Variants in ZNF586 observed in about 807,000 individuals in gnomAD.
The protein encoded by ZNF586 is zinc finger protein 586.
ZNF586 carries 7 observed loss-of-function variants against 6.7 expected under a neutral mutation model. That is an observed-to-expected ratio of 1.04 (90% CI 0.59 to 1.95). The LOEUF (loss-of-function observed/expected upper bound fraction) is 1.95, where lower values mean the gene tolerates loss of function less well. ZNF586 is among the 30% of genes most tolerant of loss of function. The pLI is 0.00. For missense variants in ZNF586, 442 were observed against 489.6 expected (o/e 0.90, Z 0.92); for synonymous variants, 166 against 168.7 (o/e 0.98, Z 0.12).
At position 57,779,278 on chromosome 19, in the gene ZNF586, G is replaced by A; in HGVS notation, c.691G>A (p.Glu231Lys). The change falls in exon 3 of 3, where the codon GAG becomes AAG. Residue 231 changes from glutamate to lysine, a missense_variant. Coordinates refer to ENST00000396154, the MANE Select transcript of ZNF586 (RefSeq NM_017652.4). The stretch of plus-strand genomic sequence containing the variant: ...TAAACACAGGAGGATTCACACTGGA[G>A]AGAGGCCTTATGAGTGCAGTGAATG... ...LIKHRRIHTG[E>K]RPYECSECGR... is the part of the protein sequence containing the mutation. 6.2e-7 allele frequency: 1 copy of A among 1,614,192 alleles called. No homozygotes were observed. The highest frequency in any genetic ancestry group is 8.5e-7 in the Non-Finnish European group (1 of 1,180,030).
At chr19:57,776,984 C>T (rs1448097929) in intron 2 of ZNF586, among the ~76,000 whole-genome samples, 4 of 152,256 alleles carry the variant, frequency 2.6e-5, no homozygotes, top group East Asian at 1.9e-4. Context: ...TCTCAAGTTC[C>T]GTTTCCCTCC....
intron 1 of ZNF586, among the ~76,000 whole-genome samples, chr19:57,775,347 C>G (rs1249917267): frequency 6.6e-6 from 1 of 152,104 alleles, no homozygotes; most frequent in East Asian, 1.9e-4. Context: ...AAGCCAGTTG[C>G]AGCTGGGTGT....
Position 57,778,876 on chromosome 19 carries a change from T to G in ZNF586, c.289T>G (p.Phe97Val). 3.7e-6 allele frequency: 6 copies of G among 1,614,152 alleles called. No homozygotes were observed. The highest frequency in any genetic ancestry group is 5.1e-6 in the Non-Finnish European group (6 of 1,180,024). Reference sequence around the variant, plus strand: ...TGAGTGTGGGGAATATAGGAAATTATTTAAGAACAAGTCCTGCCTCACTGA... The same window carrying G: ...TGAGTGTGGGGAATATAGGAAATTAGTTAAGAACAAGTCCTGCCTCACTGA... The part of the protein sequence containing the change: ...PYECGEYRKL[F>V]KNKSCLTEPR... The change falls in exon 3 of 3, where the codon TTT (phenylalanine) becomes GTT (valine). Residue 97 changes from phenylalanine to valine, a missense_variant. Phe to Val is a conservative substitution (Grantham distance 50). Transcript: ENST00000396154.
chr19:57,769,712 G>C lies in ZNF586; in HGVS notation c.-131G>C, dbSNP rs1401594010. On this transcript the variant is annotated 5_prime_UTR_variant, in exon 1 of 3. Transcript: ENST00000396154. ...CCATCCGGCGATGCTGGGTCTGGAC[G>C]AGCTCGGGAGGAGTGGTTGTGGCCA... 4.1e-6 allele frequency: 4 copies of C among 974,472 alleles called. No individual in the cohort carries two copies. The highest frequency in any genetic ancestry group is 4.3e-5 in the Admixed American group (2 of 46,500). 60.4% of individuals were successfully genotyped at this position (974,472 alleles called of 1,614,324 possible).
At chr19:57,770,153 A>ATTT (rs1987054840) in intron 1 of ZNF586, among the ~76,000 whole-genome samples, 3 of 84,338 alleles carry the variant, frequency 3.6e-5, no homozygotes, top group South Asian at 3.9e-4. Flanking sequence ...ATACGGAGTT[A>ATTT]TTTCTTTTTT....
intron 1 of ZNF586, among the ~76,000 whole-genome samples, chr19:57,775,938 C>G (rs766035813): frequency 6.6e-6 from 1 of 152,226 alleles, no homozygotes; most frequent in Non-Finnish European, 1.5e-5. Context: ...CCATGTGGCT[C>G]TCTGTGGTGA....
At chr19:57,772,829 T>C (rs1987127885) in intron 1 of ZNF586, among the ~76,000 whole-genome samples, 1 of 152,126 alleles carries the variant, frequency 6.6e-6, no homozygotes, top group Non-Finnish European at 1.5e-5. Flanking sequence ...CATTGGTCAA[T>C]GCTGATCAGC....
rs1355972385 is a variant in ZNF586, at chr19:57,779,534, G to GCC, written c.947_948insCC (p.Arg316SerfsTer22). ...CATCAGCGAGTTCATACTGGAGAAA[G>GCC]GCATGAGTGCGGGCAGTGTGGGAAA... is the stretch of plus-strand genomic sequence containing the variant. On this transcript the variant is annotated frameshift_variant, in exon 3 of 3. Transcript: ENST00000396154. LOFTEE classifies it low-confidence loss of function (END_TRUNC). The GCC allele has an allele frequency of 6.2e-7, 1 of 1,613,866 alleles. No homozygotes were observed. Among genetic ancestry groups the GCC allele is most frequent in the Non-Finnish European group, 8.5e-7 (1 of 1,179,978 alleles).
chr19:57,778,760 A>C lies in ZNF586; in HGVS notation c.173A>C (p.His58Pro). ...LTLISSLGCW[H>P]GGEDEAAPSK... ...ATTTCTTTGCTTTTAGGTTGTTGGC[A>C]TGGAGGGGAAGATGAGGCAGCACCT... The change falls in exon 3 of 3, where the codon CAT (histidine) becomes CCT (proline). Residue 58 changes from histidine to proline, a missense_variant. Physicochemically the swap from His to Pro is moderately conservative, Grantham distance 77. Transcript: ENST00000396154. 2.5e-6 allele frequency: 4 copies of C among 1,603,948 alleles called. No homozygotes were observed. The highest frequency in any genetic ancestry group is 3.3e-4 in the Middle Eastern group (2 of 6,008).
chr19:57,769,833 G>T lies in ZNF586; in HGVS notation c.-10G>T. The T allele has an allele frequency of 6.8e-7, 1 of 1,470,364 alleles. No individual in the cohort carries two copies. The highest frequency in any genetic ancestry group is 9.1e-7 in the Non-Finnish European group (1 of 1,097,608). 91.1% of individuals were successfully genotyped at this position (1,470,364 alleles called of 1,614,324 possible). A position where few individuals can be genotyped will look rare whatever the true frequency, so the allele number is the denominator to read the frequency against. On this transcript the variant is annotated 5_prime_UTR_variant, in exon 1 of 3. Coordinates refer to ENST00000396154, the MANE Select transcript of ZNF586 (RefSeq NM_017652.4). Reference sequence around the variant, plus strand: ...ACCGCCGAGCCCGCGTTCCCCCCCCGCCCAGAGTCATGGCGGCAGCAGCCG... The same window carrying T: ...ACCGCCGAGCCCGCGTTCCCCCCCCTCCCAGAGTCATGGCGGCAGCAGCCG...
intron 2 of ZNF586, among the ~76,000 whole-genome samples, chr19:57,777,661 G>A (rs1252271952): frequency 3.3e-5 from 5 of 150,010 alleles, no homozygotes; most frequent in Non-Finnish European, 5.9e-5. Context: ...TGGACTCCAC[G>A]TCTCACCTAT....
In ZNF586 at chr19:57,779,171, A is replaced by G; in HGVS notation, c.584A>G (p.Asn195Ser). 1 of 1,613,814 alleles carries G rather than the reference A, an allele frequency of 6.2e-7. No individual in the cohort carries two copies. The highest frequency in any genetic ancestry group is 8.5e-7 in the Non-Finnish European group (1 of 1,179,968). Reference sequence around the variant, plus strand: ...TTTGCTGAAAAGTCCAGTCTCATTAACCACAGGAAAGTTCACTCTGGAGCA... The same window carrying G: ...TTTGCTGAAAAGTCCAGTCTCATTAGCCACAGGAAAGTTCACTCTGGAGCA... The part of the protein sequence containing the change: ...KAFAEKSSLI[N>S]HRKVHSGAKR... The change falls in exon 3 of 3, where the codon AAC (asparagine) becomes AGC (serine). Residue 195 changes from asparagine to serine, a missense_variant. Physicochemically the swap from Asn to Ser is conservative, Grantham distance 46. Coordinates refer to ENST00000396154, the MANE Select transcript of ZNF586 (RefSeq NM_017652.4).
In ZNF586 at chr19:57,769,821, C is replaced by T; in HGVS notation, c.-22C>T. 2 of 1,527,046 alleles carry T rather than the reference C, an allele frequency of 1.3e-6. No individual in the cohort carries two copies. Among genetic ancestry groups the T allele is most frequent in the East Asian group, 2.5e-5 (1 of 39,290 alleles). The allele number at this position is 1,527,046 out of a possible 1,614,324, so 94.6% of individuals were successfully genotyped here. A position where few individuals can be genotyped will look rare whatever the true frequency, so the allele number is the denominator to read the frequency against. On this transcript the variant is annotated 5_prime_UTR_variant, in exon 1 of 3. Coordinates refer to ENST00000396154, the MANE Select transcript of ZNF586 (RefSeq NM_017652.4). ...AACGACAGGAACACCGCCGAGCCCG[C>T]GTTCCCCCCCCGCCCAGAGTCATGG...
In ZNF586 at chr19:57,770,160, T is replaced by TTC. The variant is rs1555766361; in HGVS notation, c.36+283_36+284insCT. 4.8e-4 allele frequency among the ~76,000 whole-genome samples: 70 copies of TTC among 146,630 alleles called. 1 individual carries two copies. In the East Asian group the frequency reaches 0.013, roughly 27 times the overall value. ...GAAGTGTGATACGGAGTTATTTCTT[T>TTC]TTTTTTTTTTTTTTGAGACGGAGTC... On this transcript the variant is annotated intron_variant, in intron 1 of 2. Transcript: ENST00000396154.
At position 57,770,177 on chromosome 19, in the gene ZNF586, G is replaced by T. The variant is rs1490113536; in HGVS notation, c.36+299G>T. On this transcript the variant is annotated intron_variant, in intron 1 of 2. Coordinates refer to ENST00000396154, the MANE Select transcript of ZNF586 (RefSeq NM_017652.4). ...TATTTCTTTTTTTTTTTTTTTTTGA[G>T]ACGGAGTCTCACTCTGTCGCCCAGG... Among the ~76,000 whole-genome samples, 13 of 80,124 alleles carry T rather than the reference G, an allele frequency of 1.6e-4. No homozygotes were observed. In the Admixed American group the frequency reaches 1.8e-3, roughly 11 times the overall value. The allele number at this position is 80,124 out of a possible 152,430, so 52.6% of individuals were successfully genotyped here.
Position 57,779,010 on chromosome 19 carries a change from G to A in ZNF586, c.423G>A (p.Glu141=), listed in dbSNP as rs1275471958. Reference sequence around the variant, plus strand: ...AAAAGCCTACACTCCATATTCATGAGAGATTTCATACTGGGCAAAAGACCT... The same window carrying A: ...AAAAGCCTACACTCCATATTCATGAAAGATTTCATACTGGGCAAAAGACCT... ...FHQKPTLHIH[E]RFHTGQKTYE... is the part of the protein sequence containing the mutation. Residue 141 remains glutamate (E), a synonymous_variant, in exon 3 of 3, where the codon GAG becomes GAA. Coordinates refer to ENST00000396154, the MANE Select transcript of ZNF586 (RefSeq NM_017652.4). 1 of 1,614,126 alleles carries A rather than the reference G, an allele frequency of 6.2e-7. No individual in the cohort carries two copies. Among genetic ancestry groups the A allele is most frequent in the East Asian group, 2.2e-5 (1 of 44,878 alleles).
At position 57,779,002 on chromosome 19, in the gene ZNF586, A is replaced by G. The variant is rs750763022; in HGVS notation, c.415A>G (p.Ile139Val). 6.2e-7 allele frequency: 1 copy of G among 1,614,104 alleles called. No individual in the cohort carries two copies. Among genetic ancestry groups the G allele is most frequent in the Non-Finnish European group, 8.5e-7 (1 of 1,180,024 alleles). Reference sequence around the variant, plus strand: ...ATTTCACCAAAAGCCTACACTCCATATTCATGAGAGATTTCATACTGGGCA... The same window carrying G: ...ATTTCACCAAAAGCCTACACTCCATGTTCATGAGAGATTTCATACTGGGCA... Reference protein sequence around the residue: ...KLFHQKPTLHIHERFHTGQKT... With the variant: ...KLFHQKPTLHVHERFHTGQKT... Residue 139 changes from isoleucine to valine, a missense_variant, in exon 3 of 3, where the codon ATT (isoleucine) becomes GTT (valine). By Grantham distance (29) the Ile-to-Val change is conservative. Transcript: ENST00000396154.
chr19:57,777,789 CTT>C (rs1305084446), intron 2 of ZNF586, among the ~76,000 whole-genome samples: 2 of 88,934 alleles, frequency 2.2e-5, no homozygotes, highest in Non-Finnish European at 4.0e-5. Flanking sequence ...GAGTTTCGCT[CTT>C]GTTTCCCAGG....
At chr19:57,771,232 C>G (rs944206758) in intron 1 of ZNF586, among the ~76,000 whole-genome samples, 2 of 149,868 alleles carry the variant, frequency 1.3e-5, no homozygotes, top group Admixed American at 6.7e-5. Context: ...ACCCGGGAGG[C>G]AGAGGTTGCA....
Sources: allele counts gnomAD v4.1 joint callset (sites outside exome capture counted in the v4.1 genomes callset), GRCh38; gene constraint gnomAD v4.1.1; transcripts MANE v1.5; gene names NCBI Gene and HGNC (gene_info 2026-07-23, HGNC 2026-07-21).